Variants in KCNQ1OT1 observed in about 807,000 individuals in gnomAD.
KCNQ1OT1 encodes KCNQ1 opposite strand/antisense transcript 1, also known as KCNQ1 antisense RNA 2 (non-protein coding).
In KCNQ1OT1 at chr11:2,683,105, A is replaced by G; in HGVS notation, n.16890T>C. ...GGAGCCTTCAGATTTTCTTGTTCCC[A>G]GGATATATCGCACCAACTCAGGAGG... On this transcript the variant is annotated non_coding_transcript_exon_variant, in exon 1 of 1. Coordinates refer to ENST00000597346, the Ensembl canonical transcript of KCNQ1OT1. This position sits in a 1 kb window ranked among gnomAD's most constrained non-coding sequence, Gnocchi z 4.7. The G allele has an allele frequency of 2.6e-6, 1 of 390,302 alleles. No individual in the cohort carries two copies. Among genetic ancestry groups the G allele is most frequent in the Non-Finnish European group, 4.4e-6 (1 of 225,060 alleles). 24.2% of individuals were successfully genotyped at this position (390,302 alleles called of 1,614,324 possible). A position where few individuals can be genotyped will look rare whatever the true frequency, so the allele number is the denominator to read the frequency against.
At chr11:2,635,105 CA>C (rs1849437681) in exon 1 of KCNQ1OT1, 2 of 152,104 alleles carry the variant, frequency 1.3e-5, no homozygotes, top group Admixed American at 1.3e-4. Flanking sequence ...GAGTAGATTG[CA>C]AAAAATTTCT....
In KCNQ1OT1 at chr11:2,661,042, T is replaced by C. The variant is rs1590014040; in HGVS notation, n.38953A>G. On this transcript the variant is annotated non_coding_transcript_exon_variant, in exon 1 of 1. Coordinates refer to ENST00000597346, the Ensembl canonical transcript of KCNQ1OT1. This position sits in a 1 kb window ranked among gnomAD's most constrained non-coding sequence, Gnocchi z 5.9. ...CCTAGAGAAAAATGAAATGAGCTTA[T>C]GTTACAGAGTGACAGGAACAGAGTC... 1 of 398,420 alleles carries C rather than the reference T, an allele frequency of 2.5e-6. No individual in the cohort carries two copies. The highest frequency in any genetic ancestry group is 3.6e-5 in the East Asian group (1 of 28,090). The allele number at this position is 398,420 out of a possible 1,614,324, so 24.7% of individuals were successfully genotyped here. A position where few individuals can be genotyped will look rare whatever the true frequency, so the allele number is the denominator to read the frequency against.
In KCNQ1OT1 at chr11:2,645,650, G is replaced by A. The variant is rs757125831; in HGVS notation, n.54345C>T. 9.7e-4 allele frequency: 388 copies of A among 398,626 alleles called. 1 individual carries two copies. The highest frequency in any genetic ancestry group is 1.9e-3 in the Middle Eastern group (3 of 1,614). The allele number at this position is 398,626 out of a possible 1,614,324, so 24.7% of individuals were successfully genotyped here. A position where few individuals can be genotyped will look rare whatever the true frequency, so the allele number is the denominator to read the frequency against. ...CCTTTCCTCATGGCAGCCTTGCTTC[G>A]GAGGTAGCAGAGTATTGCCAATGGC... On this transcript the variant is annotated non_coding_transcript_exon_variant, in exon 1 of 1. Transcript: ENST00000597346. This position sits in a 1 kb window ranked among gnomAD's most constrained non-coding sequence, Gnocchi z 5.8.
At chr11:2,672,123 C>G (rs1235187768) in exon 1 of KCNQ1OT1, 4 of 398,646 alleles carry the variant, frequency 1.0e-5, no homozygotes, top group Non-Finnish European at 1.8e-5. Flanking sequence ...TCTTCTCCCA[C>G]CTAATCCTCC....
chr11:2,612,222 TC>T lies in KCNQ1OT1; in HGVS notation n.87772del, dbSNP rs1029655687. On this transcript the variant is annotated non_coding_transcript_exon_variant, in exon 1 of 1. Transcript: ENST00000597346. The surrounding 1 kb of genome is among the most constrained non-coding windows in gnomAD (Gnocchi z 5.5). ...TGCCTGAGCTCTGCCTCCTGTCTGA[TC>T]AGTGATGGCATTAGATTCTCACAGA... 122 of 398,650 alleles carry T rather than the reference TC, an allele frequency of 3.1e-4. No individual in the cohort carries two copies. Among genetic ancestry groups the T allele is most frequent in the African/African-American group, 2.5e-3 (120 of 48,746 alleles). The allele number at this position is 398,650 out of a possible 1,614,324, so 24.7% of individuals were successfully genotyped here. A position where few individuals can be genotyped will look rare whatever the true frequency, so the allele number is the denominator to read the frequency against.
rs1589979197 is a variant in KCNQ1OT1, at chr11:2,608,661, G to T, written n.91334C>A. 1 of 398,516 alleles carries T rather than the reference G, an allele frequency of 2.5e-6. No individual in the cohort carries two copies. The highest frequency in any genetic ancestry group is 3.6e-5 in the East Asian group (1 of 28,070). 24.7% of individuals were successfully genotyped at this position (398,516 alleles called of 1,614,324 possible). On this transcript the variant is annotated non_coding_transcript_exon_variant, in exon 1 of 1. Transcript: ENST00000597346. The surrounding 1 kb of genome is among the most constrained non-coding windows in gnomAD (Gnocchi z 4.6). ...AAATATTTTGTAGAGATAGGGTCTT[G>T]CTTTGTTGTGCATGCTATTCTTGAA...
rs1849265799 is a variant in KCNQ1OT1, at chr11:2,626,595, C to T, written n.73400G>A. The T allele has an allele frequency of 2.5e-6, 1 of 398,506 alleles. No individual in the cohort carries two copies. Among genetic ancestry groups the T allele is most frequent in the Non-Finnish European group, 4.4e-6 (1 of 226,112 alleles). 24.7% of individuals were successfully genotyped at this position (398,506 alleles called of 1,614,324 possible). A position where few individuals can be genotyped will look rare whatever the true frequency, so the allele number is the denominator to read the frequency against. On this transcript the variant is annotated non_coding_transcript_exon_variant, in exon 1 of 1. Coordinates refer to ENST00000597346, the Ensembl canonical transcript of KCNQ1OT1. The surrounding 1 kb of genome is among the most constrained non-coding windows in gnomAD (Gnocchi z 4.0). ...CCACGCTGGAGTACAGTGGCATTAT[C>T]ACTGCTTACTGCCACCTCAATCTCC... is the stretch of plus-strand genomic sequence containing the variant.
Position 2,683,658 on chromosome 11 carries a change from T to C in KCNQ1OT1, n.16337A>G, listed in dbSNP as rs938120059. ...ATCTGCTGCAAGGAACATCCCTTAC[T>C]TTCCCATCTCAATACAACTGTGAAA... is the stretch of plus-strand genomic sequence containing the variant. On this transcript the variant is annotated non_coding_transcript_exon_variant, in exon 1 of 1. Transcript: ENST00000597346. This position sits in a 1 kb window ranked among gnomAD's most constrained non-coding sequence, Gnocchi z 4.7. 2.5e-6 allele frequency: 1 copy of C among 398,552 alleles called. No individual in the cohort carries two copies. The highest frequency in any genetic ancestry group is 2.1e-5 in the African/African-American group (1 of 48,642). 24.7% of individuals were successfully genotyped at this position (398,552 alleles called of 1,614,324 possible).
In KCNQ1OT1 at chr11:2,668,530, G is replaced by A; in HGVS notation, n.31465C>T. 1 of 398,618 alleles carries A rather than the reference G, an allele frequency of 2.5e-6. No individual in the cohort carries two copies. Among genetic ancestry groups the A allele is most frequent in the East Asian group, 3.6e-5 (1 of 28,072 alleles). 24.7% of individuals were successfully genotyped at this position (398,618 alleles called of 1,614,324 possible). On this transcript the variant is annotated non_coding_transcript_exon_variant, in exon 1 of 1. Coordinates refer to ENST00000597346, the Ensembl canonical transcript of KCNQ1OT1. This position sits in a 1 kb window ranked among gnomAD's most constrained non-coding sequence, Gnocchi z 4.3. ...CATCAAATGGTGATTTTAATTTGCA[G>A]TAACCTGTTGACTAATGAAGTTGAG...
Position 2,688,208 on chromosome 11 carries a change from AG to A in KCNQ1OT1, n.11786del, listed in dbSNP as rs919984341. ...CAAGGGGGCAGGAGGGGCTGCACTG[AG>A]CCCACCAAAGGTTGTAGCCACTCAT... On this transcript the variant is annotated non_coding_transcript_exon_variant, in exon 1 of 1. Coordinates refer to ENST00000597346, the Ensembl canonical transcript of KCNQ1OT1. 5.5e-5 allele frequency: 22 copies of A among 398,784 alleles called. 1 individual carries two copies. Among genetic ancestry groups the A allele is most frequent in the Admixed American group, 3.1e-4 (7 of 22,734 alleles). 24.7% of individuals were successfully genotyped at this position (398,784 alleles called of 1,614,324 possible). A position where few individuals can be genotyped will look rare whatever the true frequency, so the allele number is the denominator to read the frequency against.
exon 1 of KCNQ1OT1, chr11:2,666,248 G>A: frequency 5.0e-6 from 2 of 398,670 alleles, no homozygotes; most frequent in South Asian, 2.5e-4. Flanking sequence ...TGGGCATGGG[G>A]GAGGACCAGG....
rs1181158150 is a variant in KCNQ1OT1, at chr11:2,672,328, G to A, written n.27667C>T. On this transcript the variant is annotated non_coding_transcript_exon_variant, in exon 1 of 1. Transcript: ENST00000597346. ...AGGTGGGAGCTCAAGGGGGCCTGGTGTGGTGGGTGCAGAAGCAGTGTGGTG... is the reference window on the plus strand; with the variant it reads ...AGGTGGGAGCTCAAGGGGGCCTGGTATGGTGGGTGCAGAAGCAGTGTGGTG... 5 of 398,608 alleles carry A rather than the reference G, an allele frequency of 1.3e-5. No homozygotes were observed. In the South Asian group the frequency reaches 3.8e-4, roughly 30 times the overall value. The allele number at this position is 398,608 out of a possible 1,614,324, so 24.7% of individuals were successfully genotyped here.
Position 2,679,624 on chromosome 11 carries a change from G to C in KCNQ1OT1, n.20371C>G, listed in dbSNP as rs1446805697. ...AGGCGAGTTGGAATGAATAGTATCA[G>C]CATCAGAAAAAATACAAGTGCATCC... On this transcript the variant is annotated non_coding_transcript_exon_variant, in exon 1 of 1. Transcript: ENST00000597346. The surrounding 1 kb of genome is among the most constrained non-coding windows in gnomAD (Gnocchi z 4.8). The C allele has an allele frequency of 2.5e-6, 1 of 398,458 alleles. No individual in the cohort carries two copies. The highest frequency in any genetic ancestry group is 4.4e-5 in the Admixed American group (1 of 22,708). The allele number at this position is 398,458 out of a possible 1,614,324, so 24.7% of individuals were successfully genotyped here. A position where few individuals can be genotyped will look rare whatever the true frequency, so the allele number is the denominator to read the frequency against.
At chr11:2,686,956 C>T (rs1293406506) in exon 1 of KCNQ1OT1, 1 of 398,520 alleles carries the variant, frequency 2.5e-6, no homozygotes, top group Non-Finnish European at 4.4e-6. Flanking sequence ...CCCAGCTTAC[C>T]ATCCTGATGC....
exon 1 of KCNQ1OT1, chr11:2,667,480 CAGAG>C (rs1357243786): frequency 1.5e-5 from 6 of 397,058 alleles, no homozygotes; most frequent in African/African-American, 1.0e-4. Context: ...GAGGATGTGA[CAGAG>C]AGAACATTCA....
In KCNQ1OT1 at chr11:2,612,300, C is replaced by T. The variant is rs563069360; in HGVS notation, n.87695G>A. On this transcript the variant is annotated non_coding_transcript_exon_variant, in exon 1 of 1. Coordinates refer to ENST00000597346, the Ensembl canonical transcript of KCNQ1OT1. This position sits in a 1 kb window ranked among gnomAD's most constrained non-coding sequence, Gnocchi z 5.5. ...TGTGAGGGATCTAGGTTGTGCACTC[C>T]GTATGAGAATCTAACTAAAGCCTCC... 109 of 398,566 alleles carry T rather than the reference C, an allele frequency of 2.7e-4. No individual in the cohort carries two copies. Among genetic ancestry groups the T allele is most frequent in the African/African-American group, 6.4e-4 (31 of 48,736 alleles). 24.7% of individuals were successfully genotyped at this position (398,566 alleles called of 1,614,324 possible). A position where few individuals can be genotyped will look rare whatever the true frequency, so the allele number is the denominator to read the frequency against.
At position 2,671,131 on chromosome 11, in the gene KCNQ1OT1, G is replaced by A; in HGVS notation, n.28864C>T. 2 of 398,596 alleles carry A rather than the reference G, an allele frequency of 5.0e-6. No individual in the cohort carries two copies. Among genetic ancestry groups the A allele is most frequent in the Non-Finnish European group, 8.8e-6 (2 of 226,100 alleles). The allele number at this position is 398,596 out of a possible 1,614,324, so 24.7% of individuals were successfully genotyped here. A position where few individuals can be genotyped will look rare whatever the true frequency, so the allele number is the denominator to read the frequency against. ...GCAGTTAGTCTGTCAGGCCTGGTTG[G>A]TCCCATGGGAGGCCTGAGGTGCCAT... is the stretch of plus-strand genomic sequence containing the variant. On this transcript the variant is annotated non_coding_transcript_exon_variant, in exon 1 of 1. Coordinates refer to ENST00000597346, the Ensembl canonical transcript of KCNQ1OT1. The surrounding 1 kb of genome is among the most constrained non-coding windows in gnomAD (Gnocchi z 4.7).
At chr11:2,665,372 G>T in exon 1 of KCNQ1OT1, 1 of 398,142 alleles carries the variant, frequency 2.5e-6, no homozygotes, top group Non-Finnish European at 4.4e-6. Context: ...CCCATGACAA[G>T]AGGAGCCCTG....
At position 2,621,223 on chromosome 11, in the gene KCNQ1OT1, G is replaced by A. The variant is rs951343025; in HGVS notation, n.78772C>T. 10 of 397,244 alleles carry A rather than the reference G, an allele frequency of 2.5e-5. No homozygotes were observed. Among genetic ancestry groups the A allele is most frequent in the African/African-American group, 1.6e-4 (8 of 48,502 alleles). 24.6% of individuals were successfully genotyped at this position (397,244 alleles called of 1,614,324 possible). On this transcript the variant is annotated non_coding_transcript_exon_variant, in exon 1 of 1. Transcript: ENST00000597346. This position sits in a 1 kb window ranked among gnomAD's most constrained non-coding sequence, Gnocchi z 5.7. ...GAATACCTGACCCCAGATGATCCAC[G>A]CACCTCAGCCTCCCAAAGTGCTAGG...
Sources: gnomAD v4.1 joint callset for allele counts on GRCh38, gnomAD v4.1.1 for gene constraint, Gnocchi (gnomAD v3.1) non-coding constraint, MANE v1.5 for transcripts, NCBI Gene and HGNC (gene_info 2026-07-23, HGNC 2026-07-21) for gene names.